Variants in RGS17 observed in about 807,000 individuals in gnomAD.
RGS17 encodes the protein regulator of G-protein signaling 17.
In RGS17, 12 loss-of-function variants were observed where a neutral mutation model predicts 25.5. The observed-to-expected ratio is 0.47, with a 90% CI of 0.30 to 0.76. The LOEUF is 0.76. Among genes scored for constraint, RGS17 ranks in the 30% least tolerant of loss-of-function variants. RGS17 has a pLI of 0.07. For synonymous variants in RGS17, 71 were observed against 76.9 expected (o/e 0.92, Z 0.40); for missense variants, 196 against 242.2 (o/e 0.81, Z 1.27).
chr6:153,027,209 T>A (rs910840546), intron 2 of RGS17, among the ~76,000 whole-genome samples: 3 of 152,128 alleles, frequency 2.0e-5, no homozygotes, highest in Non-Finnish European at 4.4e-5. Flanking sequence ...CTGTGTAGCA[T>A]AGGTTTGGGA....
intron 1 of RGS17, among the ~76,000 whole-genome samples, chr6:153,044,780 G>A (rs1440811223): frequency 6.6e-6 from 1 of 152,118 alleles, no homozygotes; most frequent in African/African-American, 2.4e-5. Context: ...AATAAATATT[G>A]GGATACAGAA....
intron 1 of RGS17, among the ~76,000 whole-genome samples, chr6:153,110,992 G>T (rs990317130): frequency 6.6e-6 from 1 of 151,846 alleles, no homozygotes; most frequent in Non-Finnish European, 1.5e-5. Context: ...CCTGGGTTTC[G>T]AGCACAAAAC....
intron 1 of RGS17, among the ~76,000 whole-genome samples, chr6:153,126,314 T>C (rs1777702117): frequency 6.6e-6 from 1 of 152,182 alleles, no homozygotes; most frequent in African/African-American, 2.4e-5. Flanking sequence ...CTTCTCATAG[T>C]AAGGTGTTTG....
intron 1 of RGS17, among the ~76,000 whole-genome samples, chr6:153,127,508 C>T (rs191152909): frequency 2.0e-5 from 3 of 152,274 alleles, no homozygotes; most frequent in African/African-American, 7.2e-5. Flanking sequence ...TCTGAGGAAA[C>T]TGAGGCTCAG....
chr6:153,097,847 AG>A (rs1777240974), intron 1 of RGS17, among the ~76,000 whole-genome samples: 1 of 152,136 alleles, frequency 6.6e-6, no homozygotes, highest in East Asian at 1.9e-4. Context: ...GGCAATAATG[AG>A]TGGTACAGGG....
intron 1 of RGS17, among the ~76,000 whole-genome samples, chr6:153,109,357 C>T (rs1476475142): frequency 3.3e-5 from 5 of 152,106 alleles, no homozygotes; most frequent in African/African-American, 1.2e-4. Flanking sequence ...TTTAAATGTT[C>T]ATTTCCATTT....
At chr6:153,102,991 T>C (rs1300206463) in intron 1 of RGS17, among the ~76,000 whole-genome samples, 1 of 152,214 alleles carries the variant, frequency 6.6e-6, no homozygotes, top group African/African-American at 2.4e-5. Flanking sequence ...TTGAAAAGCA[T>C]TATGGTGGTA....
intron 4 of RGS17, among the ~76,000 whole-genome samples, chr6:153,017,560 T>G (rs572161557): frequency 1.4e-3 from 208 of 152,206 alleles, no homozygotes; most frequent in Middle Eastern, 3.4e-3. Context: ...TACACCAACT[T>G]TTCACCCTGC....
intron 1 of RGS17, among the ~76,000 whole-genome samples, chr6:153,120,569 G>A (rs961880351): frequency 2.0e-5 from 3 of 151,980 alleles, no homozygotes; most frequent in Admixed American, 1.3e-4. Context: ...TCCCTTGACC[G>A]CCCCCCTGCA....
At chr6:153,119,088 T>A (rs1361247891) in intron 1 of RGS17, among the ~76,000 whole-genome samples, 1 of 152,128 alleles carries the variant, frequency 6.6e-6, no homozygotes, top group Non-Finnish European at 1.5e-5. Flanking sequence ...TGCTCCAGGA[T>A]TCTATTCTAA....
At chr6:153,013,206 A>G (rs1034730070) in intron 4 of RGS17, among the ~76,000 whole-genome samples, 16 of 152,186 alleles carry the variant, frequency 1.1e-4, no homozygotes, top group Non-Finnish European at 2.9e-5. Flanking sequence ...TAGTTCCCAT[A>G]ATATTTCACA....
At chr6:153,066,588 AG>A (rs1477311375) in intron 1 of RGS17, among the ~76,000 whole-genome samples, 1 of 152,216 alleles carries the variant, frequency 6.6e-6, no homozygotes, top group Non-Finnish European at 1.5e-5. Context: ...TTGATGCAAA[AG>A]TCCTCAACAA....
At chr6:153,039,539 C>T (rs1172042309) in intron 2 of RGS17, among the ~76,000 whole-genome samples, 1 of 152,162 alleles carries the variant, frequency 6.6e-6, no homozygotes, top group Non-Finnish European at 1.5e-5. Flanking sequence ...CTAATTTTTA[C>T]ACACAGGGAA....
intron 2 of RGS17, among the ~76,000 whole-genome samples, chr6:153,038,420 C>T (rs1760102314): frequency 6.6e-6 from 1 of 152,142 alleles, no homozygotes; most frequent in Admixed American, 6.5e-5. Flanking sequence ...GGAAATTTAC[C>T]CATGCCATGG....
At chr6:153,074,728 C>T (rs1421310794) in intron 1 of RGS17, among the ~76,000 whole-genome samples, 1 of 152,060 alleles carries the variant, frequency 6.6e-6, no homozygotes, top group East Asian at 1.9e-4. Context: ...GCAATCTTCG[C>T]TCTCATCATT....
Position 153,024,276 on chromosome 6 carries a change from G to C in RGS17, c.430C>G (p.Leu144Val), listed in dbSNP as rs201244111. The C allele has an allele frequency of 1.2e-4, 196 of 1,606,828 alleles. 1 individual carries two copies. The highest frequency in any genetic ancestry group is 3.2e-4 in the Admixed American group (19 of 59,760). The change falls in exon 4 of 5, where the codon CTA becomes GTA. Residue 144 changes from leucine (L) to valine (V), a missense_variant. By Grantham distance (32) the Leu-to-Val change is conservative. Coordinates refer to ENST00000206262, the MANE Select transcript of RGS17 (RefSeq NM_012419.5). ...RMIYEDYISI[L>V]SPKEVSLDSR... ...CAGATTTTTACCTCTTTTGGTGATAGTATAGAAATGTAATCTTCATATATC... is the reference window on the plus strand; with the variant it reads ...CAGATTTTTACCTCTTTTGGTGATACTATAGAAATGTAATCTTCATATATC...
At chr6:153,070,834 T>C (rs1212603593) in intron 1 of RGS17, among the ~76,000 whole-genome samples, 1 of 150,500 alleles carries the variant, frequency 6.6e-6, no homozygotes, top group Non-Finnish European at 1.5e-5. Context: ...TATATACACA[T>C]ACATATACAT....
chr6:153,091,597 C>T (rs1031363219), intron 1 of RGS17, among the ~76,000 whole-genome samples: 94 of 152,172 alleles, frequency 6.2e-4, no homozygotes, highest in African/African-American at 2.2e-3. Flanking sequence ...ACTGCAAACT[C>T]TGTCTCCTGG....
At chr6:153,119,134 T>G (rs1192397873) in intron 1 of RGS17, among the ~76,000 whole-genome samples, 3 of 152,200 alleles carry the variant, frequency 2.0e-5, no homozygotes, top group Non-Finnish European at 2.9e-5. Context: ...CTTTGACACT[T>G]TTCTACTATT....
Sources: gnomAD v4.1 joint callset for allele counts (sites outside exome capture counted in the v4.1 genomes callset) on GRCh38, gnomAD v4.1.1 for gene constraint, MANE v1.5 for transcripts, NCBI Gene and HGNC (gene_info 2026-07-23, HGNC 2026-07-21) for gene names.